PRB4: variants seen among roughly 807,000 people sequenced by gnomAD.
PRB4 encodes the protein proline rich protein BstNI subfamily 4, also known as basic salivary proline-rich protein 4.
PRB4 carries 14 observed loss-of-function variants against 9.1 expected under a neutral mutation model. The observed-to-expected ratio is 1.54, with a 90% CI of 1.02 to 2.41. The LOEUF is 2.41. Ranked by LOEUF, PRB4 falls within the 30% of genes most tolerant of loss-of-function variation. The pLI is 0.00. For missense variants in PRB4, 381 were observed against 299.3 expected (o/e 1.27, Z -2.02); for synonymous variants, 102 against 108.5 (o/e 0.94, Z 0.37).
chr12:11,309,338 T>A, intron 2 of PRB4, 32 bp downstream of exon 2: 1 of 1,613,704 alleles, frequency 6.2e-7, no homozygotes. Flanking sequence ...AAAAAGGGAG[T>A]CAAAACAGAT....
At chr12:11,307,643 A>G (rs556016658) in intron 3 of PRB4, among the ~76,000 whole-genome samples, 1 of 152,348 alleles carries the variant, frequency 6.6e-6, no homozygotes, top group African/African-American at 2.4e-5. Flanking sequence ...TAAATATTTC[A>G]AAGAAAAGAT....
chr12:11,308,438 T>C lies in PRB4; in HGVS notation c.545A>G (p.Lys182Arg). ...TTCTTGTTGGGGTGGTCCTTGTGGC[T>C]TTCCTGGAGGAGATCGGGCACTTCG... ...KSRSARSPPG[K>R]PQGPPQQEGN... The change falls in exon 3 of 4, where the codon AAG (lysine) becomes AGG (arginine). Residue 182 changes from lysine to arginine, a missense_variant. By Grantham distance (26) the Lys-to-Arg change is conservative (BLOSUM62 2). Transcript: ENST00000279575. The C allele has an allele frequency of 6.2e-7, 1 of 1,613,766 alleles. No individual in the cohort carries two copies. The highest frequency in any genetic ancestry group is 8.5e-7 in the Non-Finnish European group (1 of 1,179,888).
intron 3 of PRB4, 22 bp downstream of exon 3, chr12:11,308,199 G>A: frequency 2.5e-6 from 4 of 1,592,640 alleles, no homozygotes; most frequent in Non-Finnish European, 3.4e-6. Context: ...GAGTCCTGAT[G>A]AATAATAAAG....
rs1431960000 is a variant in PRB4 at position 11,307,184 on chromosome 12, T to C, written c.*34A>G. The C allele has an allele frequency of 1.3e-5, 2 of 153,124 alleles. No homozygotes were observed. The highest frequency in any genetic ancestry group is 2.9e-5 in the Non-Finnish European group (2 of 68,042). 9.5% of individuals were successfully genotyped at this position (153,124 alleles called of 1,614,324 possible). On this transcript the variant is annotated 3_prime_UTR_variant, in exon 4 of 4. Coordinates refer to ENST00000279575, the MANE Select transcript of PRB4 (RefSeq NM_002723.6). ...ATTGAATTATTTGAATTCACTGATA[T>C]CTTCTTATTCACTTCCTGAAATAAA...
Position 11,310,409 on chromosome 12 carries a change from G to T in PRB4, c.-11C>A. ...CAGAATCAGCAGCATCTCGCTGGAG[G>T]CTCTGGAGTCACTCCCAACTCTGTG... On this transcript the variant is annotated 5_prime_UTR_variant, in exon 1 of 4. Coordinates refer to ENST00000279575, the MANE Select transcript of PRB4 (RefSeq NM_002723.6). 2 of 1,614,198 alleles carry T rather than the reference G, an allele frequency of 1.2e-6. No homozygotes were observed. Among genetic ancestry groups the T allele is most frequent in the Non-Finnish European group, 1.7e-6 (2 of 1,180,032 alleles).
At chr12:11,309,521 T>G in intron 1 of PRB4, 116 bp from the exon 2 acceptor site, 1 of 1,586,344 alleles carries the variant, frequency 6.3e-7, no homozygotes, top group Non-Finnish European at 8.6e-7. Flanking sequence ...CTAGGTTAAC[T>G]CATCAGCCAC....
rs1457547531 is a variant in PRB4, at chr12:11,308,447, G to A, written c.536C>T (p.Pro179Leu). The A allele has an allele frequency of 6.2e-7, 1 of 1,613,826 alleles. No individual in the cohort carries two copies. Reference sequence around the variant, plus strand: ...GGGTGGTCCTTGTGGCTTTCCTGGAGGAGATCGGGCACTTCGGGACTTGTT... The same window carrying A: ...GGGTGGTCCTTGTGGCTTTCCTGGAAGAGATCGGGCACTTCGGGACTTGTT... ...EGNKSRSARS[P>L]PGKPQGPPQQ... Residue 179 changes from proline (P) to leucine (L), a missense_variant, in exon 3 of 4, where the codon CCT (proline) becomes CTT (leucine). Physicochemically the swap from Pro to Leu is moderately conservative, Grantham distance 98 (BLOSUM62 -3). Transcript: ENST00000279575.
intron 3 of PRB4, among the ~76,000 whole-genome samples, chr12:11,307,615 T>C (rs186260950): frequency 2.0e-5 from 3 of 152,338 alleles, no homozygotes; most frequent in Non-Finnish European, 2.9e-5. Flanking sequence ...AAAAGAATGC[T>C]ATATGTCTAT....
chr12:11,309,040 A>G (rs1231435604), intron 2 of PRB4, among the ~76,000 whole-genome samples, 158 bp from the exon 3 acceptor site: 1 of 71,272 alleles, frequency 1.4e-5, no homozygotes, highest in South Asian at 4.0e-4. Context: ...ACGCTGGGGG[A>G]AAAGGGAGAA....
At chr12:11,307,354 C>T (rs867616656) in intron 3 of PRB4, among the ~76,000 whole-genome samples, 155 bp from the exon 4 acceptor site, 1 of 152,166 alleles carries the variant, frequency 6.6e-6, no homozygotes, top group South Asian at 2.1e-4. Flanking sequence ...TATATTTACA[C>T]AGATGGTAAC....
chr12:11,309,669 T>A (rs561243798), intron 1 of PRB4, among the ~76,000 whole-genome samples: 10 of 152,292 alleles, frequency 6.6e-5, no homozygotes, highest in Admixed American at 6.5e-4. Flanking sequence ...AATGCTTATT[T>A]AGTTTATGCA....
rs750915003 is a variant in PRB4, at chr12:11,310,435, C to T, written c.-37G>A. On this transcript the variant is annotated 5_prime_UTR_variant, in exon 1 of 4. Transcript: ENST00000279575. ...CTCTGGAGTCACTCCCAACTCTGTG[C>T]TGGGAGGAACGTGGCAACTCCCTTT... is the stretch of plus-strand genomic sequence containing the variant. The T allele has an allele frequency of 6.9e-5, 112 of 1,612,330 alleles. 3 individuals carry two copies. The South Asian group carries it at 1.2e-3, about 17-fold the overall frequency.
rs1255888445 is a variant in PRB4, at chr12:11,308,798, G to C, written c.185C>G (p.Pro62Arg). ...PPPGKPQGPP[P>R]QGGNQSQGPP... is the part of the protein sequence containing the mutation. Reference sequence around the variant, plus strand: ...ACCTTGGGACTGGTTTCCTCCTTGTGGGGGTGGTCCTTGTGGCTTTCCTGG... The same window carrying C: ...ACCTTGGGACTGGTTTCCTCCTTGTCGGGGTGGTCCTTGTGGCTTTCCTGG... The change falls in exon 3 of 4, where the codon CCA becomes CGA. Residue 62 changes from proline to arginine, a missense_variant. This residue lies in a region of PRB4 where 151 missense variants were observed against 105.8 expected (regional missense o/e 1.43). Coordinates refer to ENST00000279575, the MANE Select transcript of PRB4 (RefSeq NM_002723.6). 24 of 1,592,962 alleles carry C rather than the reference G, an allele frequency of 1.5e-5. No homozygotes were observed. The highest frequency in any genetic ancestry group is 2.1e-5 in the Non-Finnish European group (24 of 1,167,762).
Position 11,310,341 on chromosome 12 carries a change from T to G in PRB4, c.58A>C (p.Ser20Arg). 2 of 1,614,210 alleles carry G rather than the reference T, an allele frequency of 1.2e-6. No individual in the cohort carries two copies. Among genetic ancestry groups the G allele is most frequent in the Non-Finnish European group, 8.5e-7 (1 of 1,180,022 alleles). ...TTTCCCCCTTCTGTTTTACCTTCAC[T>G]TGAACTCTCAGCTGAGCTCAGGGCC... Reference protein sequence around the residue: ...LLALSSAESSSEDVSQEESLF... With the variant: ...LLALSSAESSREDVSQEESLF... The change falls in exon 1 of 4, where the codon AGT (serine) becomes CGT (arginine). Residue 20 changes from serine (S) to arginine (R), a missense_variant. Ser to Arg is a moderately radical substitution (Grantham distance 110). Coordinates refer to ENST00000279575, the MANE Select transcript of PRB4 (RefSeq NM_002723.6).
chr12:11,310,190 A>T (rs944233213), intron 1 of PRB4, 145 bp downstream of exon 1: 15 of 975,874 alleles, frequency 1.5e-5, no homozygotes, highest in Non-Finnish European at 2.5e-5. Context: ...TTATTGTGGA[A>T]TGAGGGCACA....
chr12:11,309,399 C>T lies in PRB4; in HGVS notation c.71G>A (p.Ser24Asn), dbSNP rs766579131. Reference protein sequence around the residue: ...SSAESSSEDVSQEESLFLISG... With the variant: ...SSAESSSEDVNQEESLFLISG... ...TATTAGGAAGAGAGATTCTTCCTGG[C>T]TGACATCTAGAAGAGAAGCACAGGA... Residue 24 changes from serine to asparagine, a missense_variant, in exon 2 of 4, where the codon AGC becomes AAC. By Grantham distance (46) the Ser-to-Asn change is conservative. Coordinates refer to ENST00000279575, the MANE Select transcript of PRB4 (RefSeq NM_002723.6). The T allele has an allele frequency of 6.8e-6, 11 of 1,613,978 alleles. No homozygotes were observed. Among genetic ancestry groups the T allele is most frequent in the Admixed American group, 5.0e-5 (3 of 59,994 alleles).
At chr12:11,309,623 G>C (rs1863006937) in intron 1 of PRB4, among the ~76,000 whole-genome samples, 1 of 152,160 alleles carries the variant, frequency 6.6e-6, no homozygotes, top group Non-Finnish European at 1.5e-5. Context: ...ACATAGAACA[G>C]CCCCTTTTTT....
At chr12:11,309,339 C>G in intron 2 of PRB4, 31 bp downstream of exon 2, 2 of 1,613,946 alleles carry the variant, frequency 1.2e-6, no homozygotes, top group Non-Finnish European at 1.7e-6. Context: ...AAAAGGGAGT[C>G]AAAACAGATT....
At position 11,308,771 on chromosome 12, in the gene PRB4, G is replaced by A. The variant is rs1432503581; in HGVS notation, c.212C>T (p.Pro71Leu). The A allele has an allele frequency of 1.2e-6, 2 of 1,606,716 alleles. No homozygotes were observed. The highest frequency in any genetic ancestry group is 2.2e-5 in the South Asian group (2 of 90,646). ...PPQGGNQSQG[P>L]PPPPGKPEGR... ...TTCTGGCTTTCCTGGAGGAGGTGGG[G>A]GACCTTGGGACTGGTTTCCTCCTTG... is the stretch of plus-strand genomic sequence containing the variant. The change falls in exon 3 of 4, where the codon CCC (proline) becomes CTC (leucine). Residue 71 changes from proline to leucine, a missense_variant. This residue lies in a region of PRB4 where 151 missense variants were observed against 105.8 expected (regional missense o/e 1.43). Coordinates refer to ENST00000279575, the MANE Select transcript of PRB4 (RefSeq NM_002723.6).
Sources: gnomAD v4.1 joint callset for allele counts (sites outside exome capture counted in the v4.1 genomes callset) on GRCh38, gnomAD v4.1.1 for gene constraint, gnomAD v4.1.1 regional missense constraint, MANE v1.5 for transcripts, NCBI Gene and HGNC (gene_info 2026-07-23, HGNC 2026-07-21) for gene names.